ZNF782: variants seen among roughly 807,000 people sequenced by gnomAD.
ZNF782 encodes zinc finger protein 782.
A neutral mutation model predicts 13.0 loss-of-function variants in ZNF782; 12 were observed. The observed-to-expected ratio is 0.92, with a 90% confidence interval of 0.59 to 1.50. The LOEUF (loss-of-function observed/expected upper bound fraction) is 1.50. Ranked by LOEUF, ZNF782 falls within the 40% of genes most tolerant of loss-of-function variation. The pLI is 0.00. For missense variants in ZNF782, 770 were observed against 822.9 expected, an observed-to-expected ratio of 0.94 and a Z score of 0.79; for synonymous variants, 284 against 283.0, an observed-to-expected ratio of 1.00 and a Z score of -0.04.
chr9:96,927,107 A>AGAT, the ZNF782 span, among the ~76,000 whole-genome samples: 1 of 152,142 alleles, frequency 6.6e-6, no homozygotes. Flanking sequence ...ATGAGAATGA[A>AGAT]GATTTTTTTA....
At chr9:96,888,689 A>T in the ZNF782 span, 1 of 152,270 alleles carries the variant, frequency 6.6e-6, no homozygotes, top group East Asian at 1.9e-4. Context: ...TTGTGTCTGC[A>T]GCTGTGGCCA....
the ZNF782 span, among the ~76,000 whole-genome samples, chr9:96,907,213 A>G: frequency 6.6e-6 from 1 of 152,180 alleles, no homozygotes; most frequent in Non-Finnish European, 1.5e-5. Context: ...TGACAAATGG[A>G]TGAACCTTGA....
At chr9:96,901,312 C>T in the ZNF782 span, among the ~76,000 whole-genome samples, 1 of 140,212 alleles carries the variant, frequency 7.1e-6, no homozygotes, top group Non-Finnish European at 1.5e-5. Context: ...CTCTCTGTTG[C>T]CCAAGCTGGA....
At chr9:96,883,068 C>A in the ZNF782 span, among the ~76,000 whole-genome samples, 1 of 152,036 alleles carries the variant, frequency 6.6e-6, no homozygotes, top group Admixed American at 6.6e-5. Context: ...ACAACAGTTG[C>A]AGTAAAGTTG....
At chr9:96,901,688 C>A in the ZNF782 span, among the ~76,000 whole-genome samples, 1 of 151,232 alleles carries the variant, frequency 6.6e-6, no homozygotes, top group African/African-American at 2.4e-5. Context: ...GCCTAGCCAA[C>A]GTGGTGAAAC....
intron 4 of ZNF782, among the ~76,000 whole-genome samples, chr9:96,843,092 T>C (rs1588163916): frequency 1.3e-5 from 2 of 152,272 alleles, no homozygotes; most frequent in Admixed American, 1.3e-4. Flanking sequence ...CATACATTGC[T>C]GGTGGAAATG....
chr9:96,840,809 GAA>G (rs1289625278), intron 4 of ZNF782, among the ~76,000 whole-genome samples: 2 of 151,972 alleles, frequency 1.3e-5, no homozygotes, highest in East Asian at 3.9e-4. Context: ...TTAGAAAAGA[GAA>G]AAAGTCTCAA....
At chr9:96,911,519 TTGTTTTG>T in the ZNF782 span, among the ~76,000 whole-genome samples, 1 of 146,160 alleles carries the variant, frequency 6.8e-6, no homozygotes, top group East Asian at 2.2e-4. Context: ...TGTTTTTGTT[TTGTTTTG>T]TTTTTTTTTT....
the ZNF782 span, among the ~76,000 whole-genome samples, chr9:96,924,199 CAT>C: frequency 7.7e-6 from 1 of 129,114 alleles, no homozygotes; most frequent in Non-Finnish European, 1.6e-5. Flanking sequence ...CAGGTGAATA[CAT>C]ATTAGATTCT....
Position 96,844,941 on chromosome 9 carries a change from TC to T in ZNF782, c.90del (p.Thr31ProfsTer6). ...EEWQHMGPVE[R>X]TLYRDVMLEN... The stretch of plus-strand genomic sequence containing the variant: ...TCCAGCATCACATCTCTGTACAGGG[TC>T]CTCTCAACAGGGCCCATGTGCTGCC... On this transcript the variant is annotated frameshift_variant, in exon 4 of 6. Transcript: ENST00000481138. LOFTEE classifies it high-confidence loss of function. 1.2e-6 allele frequency: 2 copies of T among 1,613,858 alleles called. No individual in the cohort carries two copies. Among genetic ancestry groups the T allele is most frequent in the Non-Finnish European group, 1.7e-6 (2 of 1,179,908 alleles).
intron 4 of ZNF782, among the ~76,000 whole-genome samples, chr9:96,842,721 A>G (rs1851226082): frequency 6.6e-6 from 1 of 152,066 alleles, no homozygotes; most frequent in Non-Finnish European, 1.5e-5. Context: ...AAAATTAAAA[A>G]CTTATGCTCT....
At chr9:96,922,752 C>T in the ZNF782 span, among the ~76,000 whole-genome samples, 8 of 150,790 alleles carry the variant, frequency 5.3e-5, no homozygotes, top group Non-Finnish European at 7.4e-5. Flanking sequence ...CCAGCCTGGG[C>T]GACAGAGCGA....
At chr9:96,894,692 G>C in the ZNF782 span, 1 of 152,064 alleles carries the variant, frequency 6.6e-6, no homozygotes, top group Non-Finnish European at 1.5e-5. Flanking sequence ...AAGTGTCATT[G>C]AAAAATCTTT....
At chr9:96,828,650 A>C (rs1030852134) in intron 4 of ZNF782, among the ~76,000 whole-genome samples, 2 of 152,180 alleles carry the variant, frequency 1.3e-5, no homozygotes, top group African/African-American at 4.8e-5. Flanking sequence ...GGCAACACAT[A>C]GAGAGACTGG....
chr9:96,884,429 AG>A, the ZNF782 span, among the ~76,000 whole-genome samples: 2 of 152,212 alleles, frequency 1.3e-5, no homozygotes, highest in African/African-American at 2.4e-5. Context: ...GTCATAAGGA[AG>A]GGTAGCTGAT....
Position 96,818,412 on chromosome 9 carries a change from A to AGG in ZNF782, c.1610_1611insCC (p.Gln538LeufsTer97). On this transcript the variant is annotated frameshift_variant, in exon 6 of 6. Transcript: ENST00000481138. LOFTEE classifies it low-confidence loss of function (END_TRUNC). ...TCTGACCGAAAGCTTTTCCACACTG[A>AGG]TTACATTTGTAGGGCTTCTCCCCTG... 6.2e-7 allele frequency: 1 copy of AGG among 1,614,022 alleles called. No homozygotes were observed. The highest frequency in any genetic ancestry group is 1.1e-5 in the South Asian group (1 of 91,078).
intron 5 of ZNF782, among the ~76,000 whole-genome samples, chr9:96,822,839 T>A (rs1850472445): frequency 6.6e-6 from 1 of 152,220 alleles, no homozygotes; most frequent in African/African-American, 2.4e-5. Context: ...TGATTAAATA[T>A]GTTTTTAAAG....
chr9:96,931,805 T>G, the ZNF782 span: 21,852 of 1,602,296 alleles, frequency 0.014, 1,812 homozygotes, highest in African/African-American at 0.18. Flanking sequence ...TGCCACACCC[T>G]CTCCCGGCCC....
At chr9:96,862,051 T>C (rs1851707188) in intron 1 of ZNF782, among the ~76,000 whole-genome samples, 1 of 152,194 alleles carries the variant, frequency 6.6e-6, no homozygotes, top group African/African-American at 2.4e-5. Flanking sequence ...AAAATGTACA[T>C]ATACACAATG....
Sources: allele counts gnomAD v4.1 joint callset (sites outside exome capture counted in the v4.1 genomes callset), GRCh38; gene constraint gnomAD v4.1.1; transcripts MANE v1.5; gene names NCBI Gene and HGNC (gene_info 2026-07-23, HGNC 2026-07-21).